The following ZNF197 variants were observed in gnomAD, a reference collection of about 807,000 sequenced individuals.
The protein encoded by ZNF197 is zinc finger protein 197, also known as VHL-associated KRAB-A domain-containing protein.
ZNF197 carries 14 observed loss-of-function variants against 27.4 expected under a neutral mutation model. The ratio of observed to expected loss-of-function variants is 0.51; its 90% CI spans 0.34 to 0.80. The LOEUF is 0.80. Among genes scored for constraint, ZNF197 ranks in the 30% least tolerant of loss-of-function variants. The pLI, the probability that ZNF197 is intolerant of heterozygous loss-of-function variation, is 0.02. For missense variants in ZNF197, 1,090 were observed against 1,222.6 expected (o/e 0.89, Z 1.62); for synonymous variants, 415 against 420.0 (o/e 0.99, Z 0.15).
chr3:44,644,165 AATTCTCTTGGCTAC>A lies in ZNF197; in HGVS notation c.3037_3050del (p.Phe1013LysfsTer4), dbSNP rs1249628638. The A allele has an allele frequency of 1.9e-6, 3 of 1,612,306 alleles. No individual in the cohort carries two copies. Among genetic ancestry groups the A allele is most frequent in the Non-Finnish European group, 1.7e-6 (2 of 1,179,522 alleles). ...CAACAGAAAATCCATACCATTGAGG[AATTCTCTTGGCTAC>A]AAAACACCAATGAGTCCAAGATTGA... On this transcript the variant is annotated frameshift_variant, in exon 6 of 6. Coordinates refer to ENST00000344387, the MANE Select transcript of ZNF197 (RefSeq NM_006991.5). LOFTEE classifies it high-confidence loss of function.
intron 4 of ZNF197, 27 bp from the exon 5 acceptor site, chr3:44,632,446 T>C: frequency 3.2e-6 from 5 of 1,560,644 alleles, no homozygotes; most frequent in Non-Finnish European, 4.3e-6. Context: ...TGGGCATTGG[T>C]AATCTCACAC....
Position 44,645,849 on chromosome 3 carries a change from T to C in ZNF197, c.*1629T>C, listed in dbSNP as rs1462434873. On this transcript the variant is annotated 3_prime_UTR_variant, in exon 6 of 6. Transcript: ENST00000344387. Reference sequence around the variant, plus strand: ...TGGGCAGTCAGTGCCCATTACCCCCTGTGAACCATTCTGTGCCCTTGAGTA... The same window carrying C: ...TGGGCAGTCAGTGCCCATTACCCCCCGTGAACCATTCTGTGCCCTTGAGTA... 1.0e-6 allele frequency: 1 copy of C among 985,358 alleles called. No homozygotes were observed. Among genetic ancestry groups the C allele is most frequent in the Non-Finnish European group, 1.2e-6 (1 of 829,942 alleles). 61.0% of individuals were successfully genotyped at this position (985,358 alleles called of 1,614,324 possible). A position where few individuals can be genotyped will look rare whatever the true frequency, so the allele number is the denominator to read the frequency against.
At chr3:44,637,102 A>G (rs530857407) in intron 5 of ZNF197, among the ~76,000 whole-genome samples, 2 of 152,308 alleles carry the variant, frequency 1.3e-5, no homozygotes, top group Middle Eastern at 3.4e-3. Context: ...TATTCTATAT[A>G]TAAGTCCCGT....
In ZNF197 at chr3:44,645,956, G is replaced by A. The variant is rs1702931393; in HGVS notation, c.*1736G>A. 1 of 985,270 alleles carries A rather than the reference G, an allele frequency of 1.0e-6. No homozygotes were observed. 61.0% of individuals were successfully genotyped at this position (985,270 alleles called of 1,614,324 possible). A position where few individuals can be genotyped will look rare whatever the true frequency, so the allele number is the denominator to read the frequency against. On this transcript the variant is annotated 3_prime_UTR_variant, in exon 6 of 6. Transcript: ENST00000344387. ...TCTCAAAGTTCTGTTTCTGTAGCTG[G>A]ACTATGAATAATACCTGAATATGAA... is the stretch of plus-strand genomic sequence containing the variant.
intron 1 of ZNF197, among the ~76,000 whole-genome samples, 176 bp downstream of exon 1, chr3:44,625,319 AG>A (rs1291480901): frequency 6.6e-6 from 1 of 152,206 alleles, no homozygotes; most frequent in Non-Finnish European, 1.5e-5. Context: ...CTGGGCAGGC[AG>A]CCGGCCCGAG....
At chr3:44,641,335 AG>A (rs1471209021) in intron 5 of ZNF197, among the ~76,000 whole-genome samples, 1 of 152,184 alleles carries the variant, frequency 6.6e-6, no homozygotes, top group Admixed American at 6.5e-5. Flanking sequence ...TTTTAAACGG[AG>A]TAGGAGTTAT....
At chr3:44,638,438 C>T (rs937228425) in intron 5 of ZNF197, among the ~76,000 whole-genome samples, 5 of 152,052 alleles carry the variant, frequency 3.3e-5, no homozygotes, top group African/African-American at 1.2e-4. Context: ...ATCCTGCAAT[C>T]TTGCTGTATT....
chr3:44,645,666 A>G lies in ZNF197; in HGVS notation c.*1446A>G, dbSNP rs1171685138. On this transcript the variant is annotated 3_prime_UTR_variant, in exon 6 of 6. Coordinates refer to ENST00000344387, the MANE Select transcript of ZNF197 (RefSeq NM_006991.5). Reference sequence around the variant, plus strand: ...CAGTTGAGCTGATGATCCCTGCCACAGTCATTGTGAATTCTAATCAATATT... The same window carrying G: ...CAGTTGAGCTGATGATCCCTGCCACGGTCATTGTGAATTCTAATCAATATT... 5.1e-6 allele frequency: 5 copies of G among 985,344 alleles called. No individual in the cohort carries two copies. The highest frequency in any genetic ancestry group is 6.0e-6 in the Non-Finnish European group (5 of 829,952). The allele number at this position is 985,344 out of a possible 1,614,324, so 61.0% of individuals were successfully genotyped here. A position where few individuals can be genotyped will look rare whatever the true frequency, so the allele number is the denominator to read the frequency against.
At chr3:44,641,815 T>C in intron 5 of ZNF197, 85 bp from the exon 6 acceptor site, 1 of 1,437,386 alleles carries the variant, frequency 7.0e-7, no homozygotes, top group Non-Finnish European at 9.2e-7. Context: ...TGTGCCTTCC[T>C]AGAATGTTTT....
chr3:44,644,878 TA>T lies in ZNF197; in HGVS notation c.*662del. 1 of 965,612 alleles carries T rather than the reference TA, an allele frequency of 1.0e-6. No homozygotes were observed. The highest frequency in any genetic ancestry group is 1.1e-4 in the East Asian group (1 of 8,716). The allele number at this position is 965,612 out of a possible 1,614,324, so 59.8% of individuals were successfully genotyped here. ...TAGTAAATAAAAATAAATTTATTAA[TA>T]AAACTAAAAATTTAATAATAAAAAG... On this transcript the variant is annotated 3_prime_UTR_variant, in exon 6 of 6. Transcript: ENST00000344387.
intron 5 of ZNF197, among the ~76,000 whole-genome samples, chr3:44,636,830 A>G (rs1237209508): frequency 2.6e-5 from 4 of 152,202 alleles, no homozygotes. Context: ...CCAGCAGCGT[A>G]TAAGGGTTCC....
Position 44,648,276 on chromosome 3 carries a change from T to C in ZNF197, c.*4056T>C, listed in dbSNP as rs1199265113. ...ATTCTTAATCTTAAGGGATGCATGT[T>C]GAAGTATTTGGAATGAAGTGTTCTG... On this transcript the variant is annotated 3_prime_UTR_variant, in exon 6 of 6. Coordinates refer to ENST00000344387, the MANE Select transcript of ZNF197 (RefSeq NM_006991.5). 6.6e-6 allele frequency: 1 copy of C among 152,186 alleles called. No individual in the cohort carries two copies. The highest frequency in any genetic ancestry group is 1.5e-5 in the Non-Finnish European group (1 of 68,032). The allele number at this position is 152,186 out of a possible 1,614,324, so 9.4% of individuals were successfully genotyped here.
intron 5 of ZNF197, among the ~76,000 whole-genome samples, chr3:44,639,707 AGGGT>A (rs1702491678): frequency 6.6e-6 from 1 of 151,998 alleles, no homozygotes; most frequent in Admixed American, 6.6e-5. Context: ...TTAGTTTTAA[AGGGT>A]GTAGGTACGG....
intron 3 of ZNF197, 133 bp from the exon 4 acceptor site, chr3:44,631,972 A>C: frequency 2.5e-6 from 2 of 805,534 alleles, no homozygotes; most frequent in East Asian, 5.1e-5. Context: ...AAGCTCTGGG[A>C]TTACAGGTGT....
rs545809790 is a variant in ZNF197 at position 44,643,618 on chromosome 3, C to T, written c.2488C>T (p.Arg830Cys). ...CNDCGKVFSYRSNLIAHQRIH... is the reference protein window; with the variant it reads ...CNDCGKVFSYCSNLIAHQRIH... ...TGACTGTGGGAAGGTCTTCAGTTAC[C>T]GCTCAAACCTTATAGCCCATCAGAG... The change falls in exon 6 of 6, where the codon CGC becomes TGC. Residue 830 changes from arginine (R) to cysteine (C), a missense_variant. Arg to Cys is a radical substitution (Grantham distance 180, BLOSUM62 -3). Transcript: ENST00000344387. 32 of 1,613,932 alleles carry T rather than the reference C, an allele frequency of 2.0e-5. No homozygotes were observed. In the Admixed American group the frequency reaches 2.3e-4, roughly 12 times the overall value.
Position 44,645,286 on chromosome 3 carries a change from C to T in ZNF197, c.*1066C>T, listed in dbSNP as rs754417651. On this transcript the variant is annotated 3_prime_UTR_variant, in exon 6 of 6. Coordinates refer to ENST00000344387, the MANE Select transcript of ZNF197 (RefSeq NM_006991.5). Reference sequence around the variant, plus strand: ...AAGAGGTTATGGTAAAAGTTTAGAACATGGGATCATGTAAGTTTGTGTATT... The same window carrying T: ...AAGAGGTTATGGTAAAAGTTTAGAATATGGGATCATGTAAGTTTGTGTATT... 18 of 985,226 alleles carry T rather than the reference C, an allele frequency of 1.8e-5. No individual in the cohort carries two copies. The highest frequency in any genetic ancestry group is 2.0e-5 in the Non-Finnish European group (17 of 829,922). 61.0% of individuals were successfully genotyped at this position (985,226 alleles called of 1,614,324 possible).
intron 5 of ZNF197, among the ~76,000 whole-genome samples, chr3:44,636,798 A>G (rs1030686407): frequency 6.6e-6 from 1 of 152,146 alleles, no homozygotes; most frequent in Non-Finnish European, 1.5e-5. Flanking sequence ...TTCCAAAGCA[A>G]CTGCACCATT....
Position 44,646,839 on chromosome 3 carries a change from C to G in ZNF197, c.*2619C>G, listed in dbSNP as rs967072634. ...ATTTTTGACAGGGGCAAAAGCAATT[C>G]AATGGAGGAGGGATCGCCTTTTCAG... is the stretch of plus-strand genomic sequence containing the variant. On this transcript the variant is annotated 3_prime_UTR_variant, in exon 6 of 6. Transcript: ENST00000344387. 1.3e-5 allele frequency: 4 copies of G among 306,932 alleles called. No individual in the cohort carries two copies. The highest frequency in any genetic ancestry group is 8.7e-5 in the African/African-American group (4 of 45,738). 19.0% of individuals were successfully genotyped at this position (306,932 alleles called of 1,614,324 possible). A position where few individuals can be genotyped will look rare whatever the true frequency, so the allele number is the denominator to read the frequency against.
Position 44,644,797 on chromosome 3 carries a change from A to T in ZNF197, c.*577A>T, listed in dbSNP as rs1407149041. The T allele has an allele frequency of 3.0e-6, 3 of 984,294 alleles. No homozygotes were observed. The African/African-American group carries it at 5.2e-5, about 17-fold the overall frequency. 61.0% of individuals were successfully genotyped at this position (984,294 alleles called of 1,614,324 possible). A position where few individuals can be genotyped will look rare whatever the true frequency, so the allele number is the denominator to read the frequency against. Reference sequence around the variant, plus strand: ...GACTTTGGGAGGCCGAGGTGGGAAGATCCCTTGAGCCCAGGAGTTCGAGAC... The same window carrying T: ...GACTTTGGGAGGCCGAGGTGGGAAGTTCCCTTGAGCCCAGGAGTTCGAGAC... On this transcript the variant is annotated 3_prime_UTR_variant, in exon 6 of 6. Transcript: ENST00000344387.
Sources: allele counts gnomAD v4.1 joint callset (sites outside exome capture counted in the v4.1 genomes callset), GRCh38; gene constraint gnomAD v4.1.1; transcripts MANE v1.5; gene names NCBI Gene and HGNC (gene_info 2026-07-23, HGNC 2026-07-21).